The following CDC42BPA variants were observed in gnomAD, a reference collection of about 807,000 sequenced individuals.
CDC42BPA encodes the protein CDC42 binding protein kinase alpha.
A neutral mutation model predicts 223.5 loss-of-function variants in CDC42BPA; 80 were observed. The ratio of observed to expected loss-of-function variants is 0.36; its 90% CI spans 0.30 to 0.43. The LOEUF is 0.43. Among genes scored for constraint, CDC42BPA ranks in the 20% least tolerant of loss-of-function variants. CDC42BPA has a pLI of 1.00. For synonymous variants in CDC42BPA, 694 were observed against 718.6 expected (o/e 0.97, Z 0.55); for missense variants, 1,743 against 2,099.9 (o/e 0.83, Z 3.32).
chr1:227,110,476 A>T (rs934082732), intron 14 of CDC42BPA, among the ~76,000 whole-genome samples: 6 of 152,224 alleles, frequency 3.9e-5, no homozygotes, highest in African/African-American at 1.4e-4. Flanking sequence ...AAAAATAAAA[A>T]GCAAACCATT....
intron 14 of CDC42BPA, among the ~76,000 whole-genome samples, chr1:227,107,413 C>T (rs916969776): frequency 2.6e-5 from 4 of 152,036 alleles, no homozygotes; most frequent in Non-Finnish European, 5.9e-5. Flanking sequence ...TTATTTTAAG[C>T]TCAAGTCTCA....
intron 2 of CDC42BPA, among the ~76,000 whole-genome samples, chr1:227,245,403 G>A (rs562977416): frequency 4.1e-5 from 6 of 145,364 alleles, no homozygotes; most frequent in Admixed American, 3.8e-4. Context: ...CAATTCTCCT[G>A]TCTCAGCCTC....
chr1:227,282,568 T>C (rs1040586030), intron 1 of CDC42BPA, among the ~76,000 whole-genome samples: 2 of 152,220 alleles, frequency 1.3e-5, no homozygotes, highest in Non-Finnish European at 2.9e-5. Context: ...TCTTGATTAA[T>C]ATGTTATTTT....
At chr1:227,067,532 C>G (rs1018452792) in intron 21 of CDC42BPA, among the ~76,000 whole-genome samples, 1 of 152,012 alleles carries the variant, frequency 6.6e-6, no homozygotes, top group Non-Finnish European at 1.5e-5. Flanking sequence ...ATTTTAACAT[C>G]CTGAGCAGCA....
intron 14 of CDC42BPA, among the ~76,000 whole-genome samples, chr1:227,108,381 G>A (rs477373): frequency 0.83 from 125,978 of 151,754 alleles, 52,326 homozygotes; most frequent in East Asian, 0.88. Flanking sequence ...TGTGTTCATT[G>A]ATTTCCACAT....
intron 1 of CDC42BPA, among the ~76,000 whole-genome samples, chr1:227,261,808 G>A (rs1046332002): frequency 1.3e-5 from 2 of 152,088 alleles, no homozygotes; most frequent in Non-Finnish European, 2.9e-5. Context: ...CCCCATGTCA[G>A]GGAATAATAA....
At chr1:227,059,709 G>A (rs1675397633) in intron 21 of CDC42BPA, among the ~76,000 whole-genome samples, 1 of 152,170 alleles carries the variant, frequency 6.6e-6, no homozygotes, top group African/African-American at 2.4e-5. Flanking sequence ...GGCAGTAGCA[G>A]ACTGGAACAA....
Position 227,317,805 on chromosome 1 carries a change from G to T in CDC42BPA, c.-623C>A, listed in dbSNP as rs1246220788. 1.3e-5 allele frequency: 5 copies of T among 398,666 alleles called. No individual in the cohort carries two copies. Among genetic ancestry groups the T allele is most frequent in the Non-Finnish European group, 2.2e-5 (5 of 226,114 alleles). The allele number at this position is 398,666 out of a possible 1,614,324, so 24.7% of individuals were successfully genotyped here. On this transcript the variant is annotated 5_prime_UTR_variant, in exon 1 of 37. Coordinates refer to ENST00000366766, the MANE Select transcript of CDC42BPA (RefSeq NM_001394014.1). ...GGTCCCTGAAGCAGCCCCTCGGCTC[G>T]GAGCACGCCAAGTCTTGCCCGGAGG...
At chr1:227,220,443 T>C (rs1436217977) in intron 2 of CDC42BPA, among the ~76,000 whole-genome samples, 1 of 151,074 alleles carries the variant, frequency 6.6e-6, no homozygotes, top group African/African-American at 2.4e-5. Flanking sequence ...GCTTTTTATT[T>C]CCATAGCTCA....
rs992266397 is a variant in CDC42BPA at position 227,246,939 on chromosome 1, A to G, written c.270+7125T>C. The stretch of plus-strand genomic sequence containing the variant: ...TTTTGGGCCAAGCACGGTGGCTCAC[A>G]CCTGTAATCCCAGCACCATGGGAGG... On this transcript the variant is annotated intron_variant, in intron 2 of 36. Transcript: ENST00000366766. Among the ~76,000 whole-genome samples the G allele has an allele frequency of 4.6e-5, 7 of 152,300 alleles. 1 individual carries two copies. The highest frequency in any genetic ancestry group is 1.3e-4 in the Admixed American group (2 of 15,294).
At chr1:226,996,083 C>T (rs1393455354) in intron 35 of CDC42BPA, among the ~76,000 whole-genome samples, 1 of 152,174 alleles carries the variant, frequency 6.6e-6, no homozygotes, top group Non-Finnish European at 1.5e-5. Flanking sequence ...CTTGGTAATC[C>T]CCCTTCCACC....
At chr1:227,210,254 G>A (rs1673635840) in intron 3 of CDC42BPA, among the ~76,000 whole-genome samples, 1 of 152,148 alleles carries the variant, frequency 6.6e-6, no homozygotes, top group South Asian at 2.1e-4. Flanking sequence ...GGATGACTGG[G>A]TCAAATGGTA....
intron 2 of CDC42BPA, among the ~76,000 whole-genome samples, chr1:227,227,858 A>T (rs554528540): frequency 6.6e-6 from 1 of 152,344 alleles, no homozygotes; most frequent in South Asian, 2.1e-4. Context: ...CTGCATGTCT[A>T]TACACTAGTA....
In CDC42BPA at chr1:227,317,633, C is replaced by T. The variant is rs1694614087; in HGVS notation, c.-451G>A. ...CGATTTGCATCAGCAATTCACTTCC[C>T]GGGAAGAAGAAAAACAGAAAAGGGA... On this transcript the variant is annotated 5_prime_UTR_variant, in exon 1 of 37. Transcript: ENST00000366766. 2.5e-6 allele frequency: 1 copy of T among 398,040 alleles called. No individual in the cohort carries two copies. Among genetic ancestry groups the T allele is most frequent in the African/African-American group, 2.1e-5 (1 of 48,560 alleles). 24.7% of individuals were successfully genotyped at this position (398,040 alleles called of 1,614,324 possible).
chr1:227,316,791 C>A (rs960186898), intron 1 of CDC42BPA, among the ~76,000 whole-genome samples: 9 of 152,184 alleles, frequency 5.9e-5, no homozygotes, highest in Non-Finnish European at 1.3e-4. Flanking sequence ...TCCACATTAG[C>A]TAGGCCTTAA....
In CDC42BPA at chr1:227,046,110, TTTTTCC is replaced by T. The variant is rs371877470; in HGVS notation, c.3093+1811_3093+1816del. Among the ~76,000 whole-genome samples, 720 of 152,232 alleles carry T rather than the reference TTTTTCC, an allele frequency of 4.7e-3. 8 individuals carry two copies. Among genetic ancestry groups the T allele is most frequent in the African/African-American group, 0.016 (680 of 41,538 alleles). On this transcript the variant is annotated intron_variant, in intron 23 of 36. Coordinates refer to ENST00000366766, the MANE Select transcript of CDC42BPA (RefSeq NM_001394014.1). ...TGTGAGCCACCACGTATCCCTGATCTTTTTCCTTTGTTAGATAATTTTGAAATGTCT... is the reference window on the plus strand; with the variant it reads ...TGTGAGCCACCACGTATCCCTGATCTTTTGTTAGATAATTTTGAAATGTCT...
chr1:227,126,523 AG>A (rs1689677342), intron 11 of CDC42BPA, among the ~76,000 whole-genome samples: 1 of 96,510 alleles, frequency 1.0e-5, no homozygotes, highest in Non-Finnish European at 2.2e-5. Flanking sequence ...AAGGAAGGTA[AG>A]AAAGGAAAAA....
intron 2 of CDC42BPA, among the ~76,000 whole-genome samples, chr1:227,250,638 GTA>G (rs199584034): frequency 1.1e-3 from 160 of 151,824 alleles, no homozygotes; most frequent in Admixed American, 2.6e-3. Flanking sequence ...GTGTGTGTGT[GTA>G]TGTGTGTGTG....
Position 227,218,664 on chromosome 1 carries a change from G to C in CDC42BPA, c.271-5445C>G, listed in dbSNP as rs188867489. Among the ~76,000 whole-genome samples, 193 of 152,232 alleles carry C rather than the reference G, an allele frequency of 1.3e-3. 2 individuals carry two copies. Among genetic ancestry groups the C allele is most frequent in the African/African-American group, 4.3e-3 (177 of 41,554 alleles). The stretch of plus-strand genomic sequence containing the variant: ...AGTATACTTTACTACTCCAAGTACT[G>C]AATAGTTATATAAGTACTGAAGAGC... On this transcript the variant is annotated intron_variant, in intron 2 of 36. Transcript: ENST00000366766.
Sources: gnomAD v4.1 joint callset for allele counts (sites outside exome capture counted in the v4.1 genomes callset) on GRCh38, gnomAD v4.1.1 for gene constraint, MANE v1.5 for transcripts, NCBI Gene and HGNC (gene_info 2026-07-23, HGNC 2026-07-21) for gene names.